Variants in GABRB1 observed in about 807,000 individuals in gnomAD.
The protein encoded by GABRB1 is gamma-aminobutyric acid type A receptor subunit beta1.
GABRB1 carries 17 observed loss-of-function variants against 51.6 expected under a neutral mutation model. That is an observed-to-expected ratio of 0.33 (90% CI 0.23 to 0.49). The LOEUF (loss-of-function observed/expected upper bound fraction) is 0.49. GABRB1 is among the 20% of genes least tolerant of loss of function. GABRB1 has a pLI of 0.99. For synonymous variants in GABRB1, 247 were observed against 218.9 expected (o/e 1.13, Z -1.14); for missense variants, 410 against 600.6 (o/e 0.68, Z 3.32).
chr4:47,416,378 A>T (rs533923126), intron 8 of GABRB1, among the ~76,000 whole-genome samples: 20 of 152,186 alleles, frequency 1.3e-4, no homozygotes, highest in African/African-American at 4.8e-4. Context: ...TTTGGAATTC[A>T]TTCTATGTCT....
At chr4:47,347,302 A>T (rs553197131) in intron 5 of GABRB1, among the ~76,000 whole-genome samples, 1 of 151,842 alleles carries the variant, frequency 6.6e-6, no homozygotes, top group Non-Finnish European at 1.5e-5. Context: ...AATAATAATA[A>T]TTAATAATAA....
chr4:47,236,762 AT>A (rs1346799199), intron 4 of GABRB1, among the ~76,000 whole-genome samples: 2 of 152,168 alleles, frequency 1.3e-5, no homozygotes, highest in Admixed American at 1.3e-4. Context: ...GCTCCAAGTG[AT>A]CACTGTTTGC....
intron 8 of GABRB1, among the ~76,000 whole-genome samples, chr4:47,417,970 GAGAA>G (rs1728982295): frequency 6.6e-6 from 1 of 152,210 alleles, no homozygotes; most frequent in Non-Finnish European, 1.5e-5. Flanking sequence ...GGCACTCATT[GAGAA>G]TGTTGGGGCA....
chr4:47,311,491 T>A (rs747662956), intron 4 of GABRB1, among the ~76,000 whole-genome samples: 1 of 79,218 alleles, frequency 1.3e-5, no homozygotes, highest in Non-Finnish European at 2.3e-5. Context: ...AGGGTTCTTA[T>A]GAAAGGAAAG....
At chr4:47,333,171 T>C (rs1406957953) in intron 5 of GABRB1, among the ~76,000 whole-genome samples, 1 of 144,702 alleles carries the variant, frequency 6.9e-6, no homozygotes, top group East Asian at 2.0e-4. Context: ...AATATATACA[T>C]ATATATTTAA....
intron 8 of GABRB1, among the ~76,000 whole-genome samples, chr4:47,412,856 A>G (rs552958716): frequency 9.0e-4 from 137 of 152,322 alleles, no homozygotes; most frequent in African/African-American, 3.1e-3. Flanking sequence ...CCATTTGCAT[A>G]AGGCTCAAAA....
At chr4:47,053,277 A>T (rs1419606981) in intron 3 of GABRB1, among the ~76,000 whole-genome samples, 1 of 152,126 alleles carries the variant, frequency 6.6e-6, no homozygotes, top group Non-Finnish European at 1.5e-5. Context: ...TATAAACAAC[A>T]AAAATTTATT....
At chr4:47,322,525 G>C (rs1347474421) in intron 5 of GABRB1, among the ~76,000 whole-genome samples, 1 of 152,196 alleles carries the variant, frequency 6.6e-6, no homozygotes, top group African/African-American at 2.4e-5. Context: ...CAACACTTGA[G>C]AGATGATATA....
intron 4 of GABRB1, among the ~76,000 whole-genome samples, chr4:47,284,428 T>C (rs1346948075): frequency 1.3e-5 from 2 of 152,244 alleles, no homozygotes; most frequent in Non-Finnish European, 2.9e-5. Flanking sequence ...TGTTTTCGTC[T>C]GCACACTTAG....
intron 4 of GABRB1, among the ~76,000 whole-genome samples, chr4:47,227,254 A>G (rs1256662571): frequency 1.3e-5 from 2 of 152,176 alleles, no homozygotes; most frequent in Non-Finnish European, 2.9e-5. Context: ...TTGCTTCCCC[A>G]AACAAATAGA....
chr4:47,081,550 T>C (rs1727843928), intron 3 of GABRB1, among the ~76,000 whole-genome samples: 1 of 152,182 alleles, frequency 6.6e-6, no homozygotes, highest in African/African-American at 2.4e-5. Context: ...TCAGATATGG[T>C]GTACAATTTT....
At chr4:47,094,774 A>G (rs982835516) in intron 3 of GABRB1, among the ~76,000 whole-genome samples, 5 of 152,040 alleles carry the variant, frequency 3.3e-5, no homozygotes, top group African/African-American at 1.2e-4. Flanking sequence ...AAAAAAAAAA[A>G]AAGAAAGAAA....
intron 8 of GABRB1, among the ~76,000 whole-genome samples, chr4:47,423,104 T>C (rs1160875450): frequency 6.6e-6 from 1 of 151,010 alleles, no homozygotes; most frequent in Admixed American, 6.6e-5. Context: ...AAGTAATATA[T>C]GCTAAAGGAT....
intron 4 of GABRB1, among the ~76,000 whole-genome samples, chr4:47,246,462 A>G (rs575350726): frequency 2.2e-5 from 3 of 134,352 alleles, no homozygotes; most frequent in African/African-American, 5.5e-5. Flanking sequence ...ACTATTTTGC[A>G]ATTGTGAATT....
At chr4:47,123,877 T>TATATAATATATATAATATATA in intron 3 of GABRB1, among the ~76,000 whole-genome samples, 1 of 81,330 alleles carries the variant, frequency 1.2e-5, no homozygotes, top group Non-Finnish European at 2.5e-5. Flanking sequence ...ATATATCTTA[T>TATATAATATATATAATATATA]ATATAATATA....
intron 3 of GABRB1, among the ~76,000 whole-genome samples, chr4:47,093,253 A>T (rs938911242): frequency 6.6e-6 from 1 of 152,202 alleles, no homozygotes; most frequent in South Asian, 2.1e-4. Flanking sequence ...GAATTCTATG[A>T]TTTACCAGTT....
intron 4 of GABRB1, among the ~76,000 whole-genome samples, chr4:47,299,574 C>CA (rs1560321964): frequency 6.6e-6 from 1 of 152,040 alleles, no homozygotes; most frequent in African/African-American, 2.4e-5. Context: ...GACCATCATT[C>CA]AAAAGTCAGG....
chr4:47,042,647 GA>G (rs1725907810), intron 3 of GABRB1, among the ~76,000 whole-genome samples: 1 of 151,012 alleles, frequency 6.6e-6, no homozygotes. Context: ...TTAAAAAGAA[GA>G]AAAATCAAAA....
At chr4:47,189,275 AG>A (rs1719328330) in intron 4 of GABRB1, among the ~76,000 whole-genome samples, 1 of 151,888 alleles carries the variant, frequency 6.6e-6, no homozygotes, top group South Asian at 2.1e-4. Flanking sequence ...TAAGCACTGG[AG>A]TCAAGCCAAG....
Sources: gnomAD v4.1 joint callset for allele counts (sites outside exome capture counted in the v4.1 genomes callset) on GRCh38, gnomAD v4.1.1 for gene constraint, MANE v1.5 for transcripts, NCBI Gene and HGNC (gene_info 2026-07-23, HGNC 2026-07-21) for gene names.